Variants in TCEA1 observed in about 807,000 individuals in gnomAD.
TCEA1 encodes the protein transcription elongation factor A1.
Under a neutral mutation model 43.8 loss-of-function variants are expected in TCEA1, and 21 were observed. That is an observed-to-expected ratio of 0.48 (90% CI 0.34 to 0.69). TCEA1 has a LOEUF of 0.69. Among genes scored for constraint, TCEA1 ranks in the 30% least tolerant of loss-of-function variants. TCEA1 has a pLI of 0.01. For synonymous variants in TCEA1, 104 were observed against 117.5 expected (o/e 0.88, Z 0.75); for missense variants, 250 against 365.1 (o/e 0.68, Z 2.57).
intron 4 of TCEA1, among the ~76,000 whole-genome samples, chr8:53,992,605 T>C (rs1803915816): frequency 6.6e-6 from 1 of 152,176 alleles, no homozygotes; most frequent in Admixed American, 6.5e-5. Flanking sequence ...AGCAAGACTC[T>C]GTCTCAAAAC....
chr8:53,987,059 G>A, intron 5 of TCEA1, 34 bp from the exon 6 acceptor site: 1 of 1,538,230 alleles, frequency 6.5e-7, no homozygotes, highest in Non-Finnish European at 8.8e-7. Context: ...TCAAATTATT[G>A]TAACAGATTA....
intron 2 of TCEA1, among the ~76,000 whole-genome samples, chr8:54,006,330 T>C (rs1265741824): frequency 6.6e-6 from 1 of 152,166 alleles, no homozygotes; most frequent in Admixed American, 6.5e-5. Context: ...GTAAAAACTC[T>C]TAGCCGGGTG....
At chr8:53,977,301 T>C (rs574580069) in intron 8 of TCEA1, among the ~76,000 whole-genome samples, 10 of 152,202 alleles carry the variant, frequency 6.6e-5, no homozygotes, top group East Asian at 5.8e-4. Flanking sequence ...GCCTGGGCAA[T>C]AGAGTGAGAC....
rs1803757648 is a variant in TCEA1 at position 53,988,252 on chromosome 8, T to C, written c.328A>G (p.Ser110Gly). ...SPEAREESTS[S>G]GNVSNRKDET... ...TCCTTTCTGTTGCTTACATTGCCGCTGGAAGTACTGAAATACGCACAAACA... is the reference window on the plus strand; with the variant it reads ...TCCTTTCTGTTGCTTACATTGCCGCCGGAAGTACTGAAATACGCACAAACA... The change falls in exon 5 of 10, where the codon AGC becomes GGC. Residue 110 changes from serine (S) to glycine (G), a missense_variant. Ser to Gly is a moderately conservative substitution (Grantham distance 56). Around this residue, in one of 4 missense-constraint regions of TCEA1, gnomAD observed 147 missense variants for 160.3 expected, o/e 0.92. Transcript: ENST00000521604. 6.2e-7 allele frequency: 1 copy of C among 1,612,698 alleles called. No homozygotes were observed. Among genetic ancestry groups the C allele is most frequent in the Non-Finnish European group, 8.5e-7 (1 of 1,179,358 alleles).
intron 5 of TCEA1, among the ~76,000 whole-genome samples, chr8:53,987,816 TG>T (rs1288059062): frequency 6.2e-4 from 95 of 152,300 alleles, no homozygotes; most frequent in African/African-American, 2.2e-3. Context: ...CAGATTAAAT[TG>T]TGGGGAAACA....
At chr8:53,970,908 CCAA>C (rs1803137668) in intron 8 of TCEA1, among the ~76,000 whole-genome samples, 1 of 152,100 alleles carries the variant, frequency 6.6e-6, no homozygotes, top group Non-Finnish European at 1.5e-5. Context: ...AAATATAACT[CCAA>C]CAACCTTTCT....
chr8:53,981,479 CTG>C (rs1382531578), intron 7 of TCEA1, among the ~76,000 whole-genome samples: 1 of 152,212 alleles, frequency 6.6e-6, no homozygotes, highest in Admixed American at 6.5e-5. Context: ...TACCTCTACT[CTG>C]TCTGTGTTCT....
chr8:53,979,336 T>A (rs1316859958), intron 7 of TCEA1, among the ~76,000 whole-genome samples, 165 bp from the exon 8 acceptor site: 3 of 152,256 alleles, frequency 2.0e-5, no homozygotes, highest in East Asian at 1.9e-4. Flanking sequence ...AAGAGTTTAA[T>A]TCCTTTTAAA....
chr8:53,978,240 AAAT>A (rs201619136), intron 8 of TCEA1, among the ~76,000 whole-genome samples: 33 of 152,046 alleles, frequency 2.2e-4, no homozygotes, highest in Admixed American at 3.3e-4. Flanking sequence ...CTCCGCAAAA[AAAT>A]AATAATAATT....
At chr8:53,975,581 A>G (rs1803306870) in intron 8 of TCEA1, among the ~76,000 whole-genome samples, 1 of 152,212 alleles carries the variant, frequency 6.6e-6, no homozygotes, top group African/African-American at 2.4e-5. Flanking sequence ...AGTCTGACAT[A>G]TATCACAACA....
chr8:53,987,389 C>T (rs191738669), intron 5 of TCEA1, among the ~76,000 whole-genome samples: 28 of 152,308 alleles, frequency 1.8e-4, no homozygotes, highest in African/African-American at 5.8e-4. Context: ...GCAAAGAAAT[C>T]ATTTAGTTAA....
intron 1 of TCEA1, among the ~76,000 whole-genome samples, chr8:54,018,494 C>T (rs1234158667): frequency 1.3e-5 from 2 of 152,096 alleles, no homozygotes; most frequent in East Asian, 1.9e-4. Flanking sequence ...TTTACCATGA[C>T]GAGAAACATT....
At chr8:53,985,410 CAT>C (rs889464801) in intron 6 of TCEA1, among the ~76,000 whole-genome samples, 3 of 152,168 alleles carry the variant, frequency 2.0e-5, no homozygotes, top group Non-Finnish European at 4.4e-5. Flanking sequence ...TGAGAAAGCA[CAT>C]GTTTGAAAAG....
chr8:53,988,138 G>A lies in TCEA1; in HGVS notation c.442C>T (p.Leu148Phe). 1 of 1,611,876 alleles carries A rather than the reference G, an allele frequency of 6.2e-7. No homozygotes were observed. Among genetic ancestry groups the A allele is most frequent in the Non-Finnish European group, 8.5e-7 (1 of 1,179,500 alleles). ...CCCCCTGTTCGAAGAGCTGCAGCAA[G>A]CATCTCCCTACACTTCAACCGCACA... ...DSVRLKCREM[L>F]AAALRTGDDY... Residue 148 changes from leucine to phenylalanine, a missense_variant, in exon 5 of 10, where the codon CTT (leucine) becomes TTT (phenylalanine). Physicochemically the swap from Leu to Phe is conservative, Grantham distance 22 (BLOSUM62 0). Coordinates refer to ENST00000521604, the MANE Select transcript of TCEA1 (RefSeq NM_006756.4).
At chr8:53,972,341 T>C (rs1002790619) in intron 8 of TCEA1, 9 of 488,402 alleles carry the variant, frequency 1.8e-5, no homozygotes, top group Middle Eastern at 3.4e-4. Context: ...AGGATGATGA[T>C]GCAAGTGACA....
Position 54,000,022 on chromosome 8 carries a change from G to A in TCEA1, c.155C>T (p.Ala52Val), listed in dbSNP as rs762620701. Residue 52 changes from alanine to valine, a missense_variant, in exon 3 of 10, where the codon GCT (alanine) becomes GTT (valine). Around this residue, in one of 4 missense-constraint regions of TCEA1, gnomAD observed 27 missense variants for 63.1 expected, o/e 0.43. Coordinates refer to ENST00000521604, the MANE Select transcript of TCEA1 (RefSeq NM_006756.4). Reference protein sequence around the residue: ...QSTRIGMSVNAIRKQSTDEEV... With the variant: ...QSTRIGMSVNVIRKQSTDEEV... Reference sequence around the variant, plus strand: ...CTCATCTGTACTCTGCTTGCGAATAGCATTAACTGACATTCCGATTCTTGT... The same window carrying A: ...CTCATCTGTACTCTGCTTGCGAATAACATTAACTGACATTCCGATTCTTGT... 1.3e-6 allele frequency: 2 copies of A among 1,594,468 alleles called. No homozygotes were observed. Among genetic ancestry groups the A allele is most frequent in the South Asian group, 2.3e-5 (2 of 86,912 alleles).
At chr8:54,021,702 T>C (rs1805038530) in intron 1 of TCEA1, 1 of 192,660 alleles carries the variant, frequency 5.2e-6, no homozygotes, top group African/African-American at 2.3e-5. Context: ...GAAGACTCCA[T>C]TCTTTCAAGT....
intron 4 of TCEA1, among the ~76,000 whole-genome samples, chr8:53,992,307 G>A (rs559487943): frequency 2.6e-5 from 4 of 151,116 alleles, no homozygotes; most frequent in Admixed American, 2.0e-4. Context: ...GCAAGACTCT[G>A]TCTCAAAAAT....
chr8:54,004,721 A>C (rs1302368069), intron 2 of TCEA1, among the ~76,000 whole-genome samples: 1 of 152,144 alleles, frequency 6.6e-6, no homozygotes, highest in East Asian at 1.9e-4. Context: ...AAAAACAATG[A>C]ATCATACACT....
Sources: allele counts gnomAD v4.1 joint callset (sites outside exome capture counted in the v4.1 genomes callset), GRCh38; gene constraint gnomAD v4.1.1; regional missense constraint gnomAD v4.1.1; transcripts MANE v1.5; gene names NCBI Gene and HGNC (gene_info 2026-07-23, HGNC 2026-07-21).